LIN7A: variants seen among roughly 807,000 people sequenced by gnomAD.
LIN7A encodes the protein lin-7 cell polarity scaffold A, also known as protein lin-7 homolog A.
A neutral mutation model predicts 29.8 loss-of-function variants in LIN7A; 25 were observed. The observed-to-expected ratio is 0.84, with a 90% CI of 0.61 to 1.17. LIN7A has a LOEUF of 1.17. Ranked by LOEUF, LIN7A falls within the 50% of genes most tolerant of loss-of-function variation. LIN7A has a pLI of 0.00. For missense variants in LIN7A, 239 were observed against 287.0 expected (o/e 0.83, Z 1.21); for synonymous variants, 118 against 107.5 (o/e 1.10, Z -0.60).
intron 1 of LIN7A, among the ~76,000 whole-genome samples, chr12:80,916,647 T>C (rs1877043847): frequency 6.6e-6 from 1 of 152,166 alleles, no homozygotes; most frequent in African/African-American, 2.4e-5. Flanking sequence ...TACTGGGCCC[T>C]CAATAAGAAT....
intron 2 of LIN7A, among the ~76,000 whole-genome samples, chr12:80,856,932 C>T (rs1208477861): frequency 6.6e-6 from 1 of 152,178 alleles, no homozygotes; most frequent in Non-Finnish European, 1.5e-5. Flanking sequence ...ACTTCCTGCC[C>T]ATTGGCACAC....
chr12:80,835,093 T>C (rs1872545719), intron 4 of LIN7A, among the ~76,000 whole-genome samples: 1 of 152,260 alleles, frequency 6.6e-6, no homozygotes, highest in South Asian at 2.1e-4. Flanking sequence ...AAGACAAATA[T>C]TCTATTCATT....
At chr12:80,822,772 G>A (rs1871872975) in intron 4 of LIN7A, among the ~76,000 whole-genome samples, 1 of 152,104 alleles carries the variant, frequency 6.6e-6, no homozygotes, top group South Asian at 2.1e-4. Flanking sequence ...TCAGCACAAA[G>A]AGCCAGGGTG....
intron 2 of LIN7A, among the ~76,000 whole-genome samples, chr12:80,857,831 C>T (rs1237774981): frequency 6.6e-6 from 1 of 152,056 alleles, no homozygotes; most frequent in African/African-American, 2.4e-5. Flanking sequence ...AGAAACTGGG[C>T]CTTTTTCTGA....
Position 80,881,939 on chromosome 12 carries a change from C to T in LIN7A, c.201+7312G>A, listed in dbSNP as rs577778616. Among the ~76,000 whole-genome samples the T allele has an allele frequency of 7.2e-5, 11 of 152,222 alleles. No individual in the cohort carries two copies. The Middle Eastern group carries it at 0.01, about 141-fold the overall frequency. On this transcript the variant is annotated intron_variant, in intron 2 of 5. Transcript: ENST00000552864. ...TCCCATCAACTATTGGGTGGTAAATCTTATGTTACACATTACTTTTCTCTT... is the reference window on the plus strand; with the variant it reads ...TCCCATCAACTATTGGGTGGTAAATTTTATGTTACACATTACTTTTCTCTT...
At chr12:80,900,475 T>G (rs1178748386) in intron 1 of LIN7A, among the ~76,000 whole-genome samples, 2 of 152,246 alleles carry the variant, frequency 1.3e-5, no homozygotes, top group East Asian at 3.8e-4. Context: ...CTTGTTCTCA[T>G]CAGTTTCAAA....
At chr12:80,931,641 G>GAA (rs796841053) in intron 1 of LIN7A, among the ~76,000 whole-genome samples, 5 of 104,892 alleles carry the variant, frequency 4.8e-5, no homozygotes, top group Non-Finnish European at 9.5e-5. Flanking sequence ...CTGTCAAAAA[G>GAA]AAAAAAAAAA....
chr12:80,804,339 G>A (rs987816294), intron 5 of LIN7A, among the ~76,000 whole-genome samples: 22 of 151,880 alleles, frequency 1.4e-4, no homozygotes, highest in Non-Finnish European at 2.8e-4. Flanking sequence ...TTTTGTACCC[G>A]TTAACCATCC....
intron 3 of LIN7A, among the ~76,000 whole-genome samples, chr12:80,847,142 C>A (rs540361017): frequency 6.6e-6 from 1 of 152,308 alleles, no homozygotes; most frequent in Admixed American, 6.5e-5. Flanking sequence ...GACATGGATG[C>A]AATGCAGACA....
At chr12:80,842,195 C>T in intron 4 of LIN7A, 1 of 1,131,416 alleles carries the variant, frequency 8.8e-7, no homozygotes, top group Non-Finnish European at 1.2e-6. Flanking sequence ...TGATTTCCCC[C>T]CCTTTCCATC....
At chr12:80,858,963 A>T (rs77651087) in intron 2 of LIN7A, among the ~76,000 whole-genome samples, 4,514 of 152,272 alleles carry the variant, frequency 0.03, 210 homozygotes, top group African/African-American at 0.098. Flanking sequence ...AATCAAATGA[A>T]TGCTGAGGAA....
intron 1 of LIN7A, among the ~76,000 whole-genome samples, chr12:80,900,201 T>G (rs74802366): frequency 0.055 from 8,322 of 152,186 alleles, 257 homozygotes; most frequent in Admixed American, 0.096. Context: ...TCTTATTCTT[T>G]CAAAAAACAA....
chr12:80,809,780 T>TA (rs1871201866), intron 5 of LIN7A, among the ~76,000 whole-genome samples: 1 of 152,206 alleles, frequency 6.6e-6, no homozygotes, highest in Admixed American at 6.5e-5. Context: ...CAAAACCTGA[T>TA]TTAGTGTTCT....
chr12:80,921,028 A>G (rs1234283597), intron 1 of LIN7A, among the ~76,000 whole-genome samples: 1 of 152,158 alleles, frequency 6.6e-6, no homozygotes, highest in Non-Finnish European at 1.5e-5. Flanking sequence ...TATGGCCTGA[A>G]TGTGTCCCTC....
intron 1 of LIN7A, among the ~76,000 whole-genome samples, chr12:80,898,484 T>C (rs1014841694): frequency 1.3e-5 from 2 of 152,162 alleles, no homozygotes; most frequent in Non-Finnish European, 2.9e-5. Flanking sequence ...TGTGGTTCCA[T>C]GTGAAATTTA....
chr12:80,876,086 G>T (rs1392256861), intron 2 of LIN7A, among the ~76,000 whole-genome samples: 2 of 146,960 alleles, frequency 1.4e-5, no homozygotes, highest in East Asian at 4.1e-4. Context: ...CACACAGAGA[G>T]AGAGAAAGAG....
chr12:80,813,270 C>G (rs1388616910), intron 4 of LIN7A, among the ~76,000 whole-genome samples: 1 of 152,166 alleles, frequency 6.6e-6, no homozygotes, highest in African/African-American at 2.4e-5. Flanking sequence ...CTCGGCCTCC[C>G]AAAGTGCTGG....
rs142553189 is a variant in LIN7A at position 80,901,778 on chromosome 12, G to T, written c.83-12409C>A. 9.8e-4 allele frequency among the ~76,000 whole-genome samples: 149 copies of T among 152,128 alleles called. 1 individual carries two copies. The East Asian group carries it at 0.027, about 28-fold the overall frequency. On this transcript the variant is annotated intron_variant, in intron 1 of 5. Coordinates refer to ENST00000552864, the MANE Select transcript of LIN7A (RefSeq NM_004664.4). ...AACTGACACTTTGATATATAATTCT[G>T]CTGTAAAGCTCCTTAATAATGTTTC...
chr12:80,813,453 A>G (rs1871390508), intron 4 of LIN7A, among the ~76,000 whole-genome samples: 5 of 152,232 alleles, frequency 3.3e-5, no homozygotes, highest in Admixed American at 3.3e-4. Context: ...ATCGTTATGC[A>G]TTGAATAAGC....
Sources: allele counts gnomAD v4.1 joint callset (sites outside exome capture counted in the v4.1 genomes callset), GRCh38; gene constraint gnomAD v4.1.1; transcripts MANE v1.5; gene names NCBI Gene and HGNC (gene_info 2026-07-23, HGNC 2026-07-21).